Variants in DNM3 observed in about 807,000 individuals in gnomAD.
DNM3 encodes the protein dynamin 3, also known as dynamin-3.
DNM3 carries 47 observed loss-of-function variants against 101.6 expected under a neutral mutation model. The ratio of observed to expected loss-of-function variants is 0.46; its 90% CI spans 0.37 to 0.59. DNM3 has a LOEUF of 0.59. Ranked by LOEUF, DNM3 falls within the 20% of genes least tolerant of loss-of-function variation. The probability of loss-of-function intolerance (pLI) is 0.00; values close to 1 mark genes in which losing one functional copy is unlikely to be tolerated. For missense variants in DNM3, 849 were observed against 1,085.7 expected (o/e 0.78, Z 3.06); for synonymous variants, 385 against 387.9 (o/e 0.99, Z 0.09).
intron 20 of DNM3, among the ~76,000 whole-genome samples, chr1:172,391,755 C>T (rs2069547759): frequency 6.6e-6 from 1 of 151,724 alleles, no homozygotes; most frequent in African/African-American, 2.4e-5. Context: ...GGTCCTTTCT[C>T]CTCTTGTATC....
At chr1:172,226,580 G>A (rs1616815) in intron 14 of DNM3, among the ~76,000 whole-genome samples, 5 of 152,110 alleles carry the variant, frequency 3.3e-5, no homozygotes, top group African/African-American at 4.8e-5. Context: ...AGTGTAAGTC[G>A]CTCTGTGCCC....
At chr1:172,341,064 T>G (rs1257542152) in intron 17 of DNM3, among the ~76,000 whole-genome samples, 2 of 151,782 alleles carry the variant, frequency 1.3e-5, no homozygotes, top group African/African-American at 4.9e-5. Context: ...AAAATCAACA[T>G]ACAAAAATCA....
At position 171,915,555 on chromosome 1, in the gene DNM3, C is replaced by T. The variant is rs532690363; in HGVS notation, c.162-6193C>T. 5.3e-5 allele frequency among the ~76,000 whole-genome samples: 8 copies of T among 152,226 alleles called. No individual in the cohort carries two copies. In the East Asian group the frequency reaches 1.5e-3, roughly 29 times the overall value. On this transcript the variant is annotated intron_variant, in intron 1 of 20. Transcript: ENST00000627582. Reference sequence around the variant, plus strand: ...ATTCCCAGGTGCTAGGCTTGGCGGACATTTATGGATGCTGATGATGTGGAT... The same window carrying T: ...ATTCCCAGGTGCTAGGCTTGGCGGATATTTATGGATGCTGATGATGTGGAT...
intron 12 of DNM3, among the ~76,000 whole-genome samples, chr1:172,091,496 A>C (rs1420632800): frequency 1.3e-5 from 2 of 152,248 alleles, no homozygotes; most frequent in Non-Finnish European, 2.9e-5. Flanking sequence ...GTTGGGAACC[A>C]TGCAGATGAA....
chr1:172,009,122 A>AAC (rs1491376021), intron 4 of DNM3, among the ~76,000 whole-genome samples: 1 of 138,064 alleles, frequency 7.2e-6, no homozygotes, highest in Non-Finnish European at 1.5e-5. Context: ...TATATCATAT[A>AAC]ATATATATAT....
chr1:172,262,110 C>G (rs1375622103), intron 15 of DNM3, among the ~76,000 whole-genome samples: 3 of 152,154 alleles, frequency 2.0e-5, no homozygotes, highest in African/African-American at 7.2e-5. Context: ...AGCCCTTCTA[C>G]TGGGAAGCCT....
intron 1 of DNM3, among the ~76,000 whole-genome samples, chr1:171,885,515 T>C (rs2036680784): frequency 6.6e-6 from 1 of 152,182 alleles, no homozygotes; most frequent in Non-Finnish European, 1.5e-5. Context: ...AAAGTTTGAA[T>C]AACCAGGAAT....
intron 14 of DNM3, among the ~76,000 whole-genome samples, chr1:172,194,268 G>A (rs958077498): frequency 2.6e-5 from 4 of 152,164 alleles, no homozygotes; most frequent in African/African-American, 9.7e-5. Flanking sequence ...GCTGAGGAGT[G>A]CTTTACTTCC....
intron 2 of DNM3, among the ~76,000 whole-genome samples, chr1:171,978,642 G>GTGA (rs1333679442): frequency 6.6e-6 from 1 of 152,174 alleles, no homozygotes; most frequent in African/African-American, 2.4e-5. Flanking sequence ...GAAGCATGAT[G>GTGA]TGATGTATGT....
chr1:171,988,413 A>C (rs1039290813), intron 3 of DNM3, among the ~76,000 whole-genome samples: 2 of 152,086 alleles, frequency 1.3e-5, no homozygotes, highest in Non-Finnish European at 2.9e-5. Context: ...AACATTGTTT[A>C]TATGGAGAGG....
intron 15 of DNM3, among the ~76,000 whole-genome samples, chr1:172,254,033 CT>C (rs2062298156): frequency 6.6e-6 from 1 of 152,074 alleles, no homozygotes; most frequent in African/African-American, 2.4e-5. Context: ...CCTCGAACTC[CT>C]GGGCTCAAGC....
intron 13 of DNM3, among the ~76,000 whole-genome samples, chr1:172,109,126 G>A (rs937623397): frequency 1.3e-5 from 2 of 152,032 alleles, no homozygotes; most frequent in East Asian, 3.9e-4. Flanking sequence ...AAGAAAGTAC[G>A]ATTATAACAA....
chr1:172,092,128 A>G (rs980892083), intron 12 of DNM3, among the ~76,000 whole-genome samples: 1 of 152,168 alleles, frequency 6.6e-6, no homozygotes. Context: ...TTGAAATATT[A>G]AGAATGATAT....
At chr1:172,375,090 G>A (rs533373962) in intron 17 of DNM3, among the ~76,000 whole-genome samples, 1 of 152,074 alleles carries the variant, frequency 6.6e-6, no homozygotes, top group Non-Finnish European at 1.5e-5. Context: ...TAATCTTTAA[G>A]TGTTATCTTC....
At chr1:171,882,335 C>G (rs2036340255) in intron 1 of DNM3, among the ~76,000 whole-genome samples, 1 of 105,774 alleles carries the variant, frequency 9.5e-6, no homozygotes, top group Admixed American at 9.8e-5. Context: ...AAGAGCGAAA[C>G]TCCGTCTCAA....
intron 15 of DNM3, among the ~76,000 whole-genome samples, chr1:172,294,260 A>G (rs901117726): frequency 2.0e-5 from 3 of 152,136 alleles, no homozygotes; most frequent in Non-Finnish European, 4.4e-5. Context: ...GAAATGACTC[A>G]TTCTGCTTGT....
intron 2 of DNM3, among the ~76,000 whole-genome samples, chr1:171,970,684 G>T (rs912778783): frequency 4.5e-5 from 4 of 88,322 alleles, no homozygotes; most frequent in Non-Finnish European, 1.3e-4. Context: ...CAAATATAGG[G>T]TATAGTAAGA....
At chr1:172,030,847 A>G (rs2048551212) in intron 4 of DNM3, among the ~76,000 whole-genome samples, 1 of 152,234 alleles carries the variant, frequency 6.6e-6, no homozygotes, top group Non-Finnish European at 1.5e-5. Context: ...CAAAACCACA[A>G]TGAGATACCA....
intron 2 of DNM3, among the ~76,000 whole-genome samples, chr1:171,963,597 G>A (rs12025243): frequency 6.6e-6 from 1 of 151,870 alleles, no homozygotes; most frequent in Non-Finnish European, 1.5e-5. Context: ...TGATATTGGG[G>A]TAATGCATAT....
Sources: allele counts gnomAD v4.1 joint callset (sites outside exome capture counted in the v4.1 genomes callset), GRCh38; gene constraint gnomAD v4.1.1; transcripts MANE v1.5; gene names NCBI Gene and HGNC (gene_info 2026-07-23, HGNC 2026-07-21).